IPPK: variants seen among roughly 807,000 people sequenced by gnomAD.
IPPK encodes the protein IPK1 homolog.
In IPPK, 22 loss-of-function variants were observed where a neutral mutation model predicts 64.6. The observed-to-expected ratio is 0.34, with a 90% CI of 0.24 to 0.49. The LOEUF (loss-of-function observed/expected upper bound fraction) is 0.49. Among genes scored for constraint, IPPK ranks in the 20% least tolerant of loss-of-function variants. The pLI is 0.99. For missense variants in IPPK, 532 were observed against 630.7 expected, an observed-to-expected ratio of 0.84 and a Z score of 1.68; for synonymous variants, 262 against 247.2, an observed-to-expected ratio of 1.06 and a Z score of -0.56.
intron 11 of IPPK, among the ~76,000 whole-genome samples, chr9:92,624,578 G>A (rs942835870): frequency 1.3e-5 from 2 of 152,142 alleles, no homozygotes; most frequent in Non-Finnish European, 2.9e-5. Flanking sequence ...AGGCTGCAGT[G>A]AGCCATGATC....
Position 92,631,440 on chromosome 9 carries a change from CCA to C in IPPK, c.1170+2944_1170+2945del, listed in dbSNP as rs560501212. On this transcript the variant is annotated intron_variant, in intron 11 of 12. Transcript: ENST00000287996. Reference sequence around the variant, plus strand: ...CAACTGATCCACCTGCCTCAGCCTCCCACAGTGTTGGGATTATAGGCGTAAGC... The same window carrying C: ...CAACTGATCCACCTGCCTCAGCCTCCCAGTGTTGGGATTATAGGCGTAAGC... Among the ~76,000 whole-genome samples, 48 of 152,278 alleles carry C rather than the reference CCA, an allele frequency of 3.2e-4. 1 individual carries two copies. Among genetic ancestry groups the C allele is most frequent in the Non-Finnish European group, 6.2e-4 (42 of 68,018 alleles).
chr9:92,660,141 A>C (rs1015599067), intron 1 of IPPK, among the ~76,000 whole-genome samples: 2 of 152,074 alleles, frequency 1.3e-5, no homozygotes, highest in Non-Finnish European at 2.9e-5. Context: ...GTTCCCCTAA[A>C]AGTGCATTTG....
intron 11 of IPPK, among the ~76,000 whole-genome samples, chr9:92,621,245 A>C (rs1851619131): frequency 6.6e-6 from 1 of 152,214 alleles, no homozygotes; most frequent in Admixed American, 6.5e-5. Flanking sequence ...ACATTCAGAC[A>C]GTAGCAGAGA....
intron 3 of IPPK, among the ~76,000 whole-genome samples, chr9:92,655,131 G>A (rs980798435): frequency 6.6e-6 from 1 of 152,188 alleles, no homozygotes; most frequent in Admixed American, 6.5e-5. Flanking sequence ...GGCTGTCCCT[G>A]GCTCTGTCTC....
At chr9:92,649,043 CAGCAGCCAAGCACCA>C (rs1852204542) in intron 5 of IPPK, among the ~76,000 whole-genome samples, 1 of 152,238 alleles carries the variant, frequency 6.6e-6, no homozygotes, top group Non-Finnish European at 1.5e-5. Context: ...GCACAGCAAA[CAGCAGCCAAGCACCA>C]AGCAGGCATG....
chr9:92,664,294 A>G (rs1246719400), intron 1 of IPPK, among the ~76,000 whole-genome samples: 1 of 152,246 alleles, frequency 6.6e-6, no homozygotes, highest in African/African-American at 2.4e-5. Context: ...AGATAGAAAT[A>G]CAAAGCACAT....
chr9:92,666,873 C>T (rs777828651), intron 1 of IPPK, among the ~76,000 whole-genome samples: 7 of 152,172 alleles, frequency 4.6e-5, no homozygotes, highest in Non-Finnish European at 1.0e-4. Context: ...CCTAGTTCCT[C>T]CATCCCCAGG....
In IPPK at chr9:92,636,666, A is replaced by C. The variant is rs966872270; in HGVS notation, c.916+1335T>G. Among the ~76,000 whole-genome samples the C allele has an allele frequency of 2.7e-5, 4 of 149,538 alleles. No homozygotes were observed. The South Asian group carries it at 6.3e-4, about 24-fold the overall frequency. Reference sequence around the variant, plus strand: ...TAAAAATAATTAATTTAAAAAAAAAACATATATGTGATGATATAGATACAG... The same window carrying C: ...TAAAAATAATTAATTTAAAAAAAAACCATATATGTGATGATATAGATACAG... On this transcript the variant is annotated intron_variant, in intron 9 of 12. Coordinates refer to ENST00000287996, the MANE Select transcript of IPPK (RefSeq NM_022755.6).
rs188731258 is a variant in IPPK at position 92,641,687 on chromosome 9, C to T, written c.564-905G>A. 2.2e-4 allele frequency among the ~76,000 whole-genome samples: 33 copies of T among 152,296 alleles called. No individual in the cohort carries two copies. In the East Asian group the frequency reaches 2.7e-3, roughly 12 times the overall value. ...TAACTTCCAAAGACAACTCCGCGTT[C>T]GATCTTTGTTCCCGGAAGTTTAAAA... is the stretch of plus-strand genomic sequence containing the variant. On this transcript the variant is annotated intron_variant, in intron 7 of 12. Coordinates refer to ENST00000287996, the MANE Select transcript of IPPK (RefSeq NM_022755.6).
At chr9:92,650,861 C>A (rs1016601343) in intron 4 of IPPK, among the ~76,000 whole-genome samples, 1 of 152,152 alleles carries the variant, frequency 6.6e-6, no homozygotes, top group African/African-American at 2.4e-5. Flanking sequence ...AGCACCAGAT[C>A]TGCTGGAACC....
chr9:92,619,217 C>A, intron 12 of IPPK: 1 of 414,616 alleles, frequency 2.4e-6, no homozygotes, highest in Non-Finnish European at 4.5e-6. Context: ...TTTCTGAGCT[C>A]TTGGGAGTAT....
chr9:92,624,292 A>G (rs1252983957), intron 11 of IPPK, among the ~76,000 whole-genome samples: 1 of 152,182 alleles, frequency 6.6e-6, no homozygotes, highest in Non-Finnish European at 1.5e-5. Flanking sequence ...AGCCTGGCCA[A>G]CATGGTGAAA....
At chr9:92,643,459 T>G (rs1852090320) in intron 6 of IPPK, among the ~76,000 whole-genome samples, 2 of 151,956 alleles carry the variant, frequency 1.3e-5, no homozygotes, top group Non-Finnish European at 2.9e-5. Context: ...AGCAAACAAT[T>G]TATTGAATGA....
chr9:92,652,483 G>C (rs1028317202), intron 4 of IPPK, 90 bp downstream of exon 4: 9 of 578,434 alleles, frequency 1.6e-5, no homozygotes, highest in Non-Finnish European at 2.7e-5. Flanking sequence ...ACTGAAAAAT[G>C]CATATACCTA....
intron 1 of IPPK, among the ~76,000 whole-genome samples, chr9:92,662,940 C>A (rs577041059): frequency 6.6e-6 from 1 of 152,308 alleles, no homozygotes; most frequent in South Asian, 2.1e-4. Context: ...ACCCAAGAAC[C>A]CAGCCTGAGC....
rs758830778 is a variant in IPPK at position 92,638,122 on chromosome 9, G to T, written c.795C>A (p.Ile265=). The part of the protein sequence containing the change: ...RAVIRELVHV[I]TRVLLSGSDK... ...CCGAGCCACTCAGCAGCACCCGTGT[G>T]ATCACGTGCACCAGCTCCCTGATCA... The change falls in exon 9 of 13, where the codon ATC becomes ATA. Residue 265 remains isoleucine, a synonymous_variant. Transcript: ENST00000287996. The T allele has an allele frequency of 6.2e-7, 1 of 1,614,174 alleles. No individual in the cohort carries two copies. The highest frequency in any genetic ancestry group is 8.5e-7 in the Non-Finnish European group (1 of 1,180,020).
At chr9:92,669,012 A>C (rs142195792) in intron 1 of IPPK, among the ~76,000 whole-genome samples, 1 of 152,330 alleles carries the variant, frequency 6.6e-6, no homozygotes, top group Non-Finnish European at 1.5e-5. Flanking sequence ...CTTGCTAAGC[A>C]TAACTTGATG....
intron 4 of IPPK, among the ~76,000 whole-genome samples, chr9:92,650,374 G>A (rs1270468425): frequency 6.6e-6 from 1 of 152,114 alleles, no homozygotes; most frequent in Non-Finnish European, 1.5e-5. Flanking sequence ...GTTTATGTAG[G>A]GGGTAGCTTC....
intron 3 of IPPK, among the ~76,000 whole-genome samples, chr9:92,653,208 AG>A (rs752376491): frequency 2.0e-5 from 3 of 152,184 alleles, no homozygotes; most frequent in Non-Finnish European, 2.9e-5. Context: ...CCCAAATGAA[AG>A]GTTTTTATTT....
Sources: allele counts gnomAD v4.1 joint callset (sites outside exome capture counted in the v4.1 genomes callset), GRCh38; gene constraint gnomAD v4.1.1; transcripts MANE v1.5; gene names NCBI Gene and HGNC (gene_info 2026-07-23, HGNC 2026-07-21).